Variants in RTN4 observed in about 807,000 individuals in gnomAD.
RTN4 encodes reticulon-4.
RTN4 carries 32 observed loss-of-function variants against 90.4 expected under a neutral mutation model. That is an observed-to-expected ratio of 0.35 (90% CI 0.27 to 0.48). The LOEUF (loss-of-function observed/expected upper bound fraction) is 0.48. RTN4 is among the 20% of genes least tolerant of loss of function. The pLI is 0.99. For missense variants in RTN4, 1,706 were observed against 1,430.2 expected, an observed-to-expected ratio of 1.19 and a Z score of -3.11; for synonymous variants, 629 against 552.5, an observed-to-expected ratio of 1.14 and a Z score of -1.94.
intron 1 of RTN4, among the ~76,000 whole-genome samples, chr2:55,048,764 A>G (rs1235176653): frequency 6.6e-6 from 1 of 152,170 alleles, no homozygotes; most frequent in African/African-American, 2.4e-5. Flanking sequence ...GTCTCAAAAC[A>G]TTTCTCTGTG....
intron 3 of RTN4, among the ~76,000 whole-genome samples, chr2:54,989,293 A>G (rs938921943): frequency 6.6e-6 from 1 of 152,198 alleles, no homozygotes; most frequent in African/African-American, 2.4e-5. Flanking sequence ...CTTGAATGCT[A>G]TTAATTTAAC....
rs111236825 is a variant in RTN4 at position 55,003,991 on chromosome 2, A to C, written c.3014-16293T>G. 8.3e-3 allele frequency among the ~76,000 whole-genome samples: 1,259 copies of C among 152,314 alleles called. 17 individuals carry two copies. The highest frequency in any genetic ancestry group is 0.028 in the African/African-American group (1,164 of 41,572). On this transcript the variant is annotated intron_variant, in intron 3 of 8. Coordinates refer to ENST00000337526, the MANE Select transcript of RTN4 (RefSeq NM_020532.5). ...ACATAAAAAGGGAACTTAGGGGACA[A>C]CCGGAGAACAAATTTAAGAATTCTA...
At chr2:55,073,094 A>C (rs183943323) in intron 2 of RTN4, among the ~76,000 whole-genome samples, 141 of 152,326 alleles carry the variant, frequency 9.3e-4, no homozygotes, top group African/African-American at 3.4e-3. Flanking sequence ...CATATTTTTA[A>C]ATAAATTAAA....
chr2:55,038,596 G>C (rs1682852129), intron 1 of RTN4, among the ~76,000 whole-genome samples: 1 of 152,252 alleles, frequency 6.6e-6, no homozygotes, highest in African/African-American at 2.4e-5. Context: ...CACTAAAATG[G>C]TTAGAATTTA....
At chr2:54,992,009 G>C (rs1679048988) in intron 3 of RTN4, among the ~76,000 whole-genome samples, 1 of 152,116 alleles carries the variant, frequency 6.6e-6, no homozygotes, top group East Asian at 1.9e-4. Context: ...CACTGCAGTA[G>C]CCTATACAAC....
intron 5 of RTN4, among the ~76,000 whole-genome samples, chr2:54,981,421 T>G: frequency 6.6e-6 from 1 of 152,160 alleles, no homozygotes; most frequent in East Asian, 1.9e-4. Flanking sequence ...ACTAGAACAT[T>G]TCTCTTGGAA....
intron 1 of RTN4, among the ~76,000 whole-genome samples, chr2:55,038,126 G>C (rs1395639606): frequency 6.6e-6 from 1 of 152,020 alleles, no homozygotes; most frequent in Non-Finnish European, 1.5e-5. Flanking sequence ...TCATACCATA[G>C]ACAAAAACTA....
chr2:55,085,596 T>A (rs1272285457), intron 1 of RTN4, among the ~76,000 whole-genome samples: 3 of 152,202 alleles, frequency 2.0e-5, no homozygotes, highest in Non-Finnish European at 4.4e-5. Flanking sequence ...AATCTCATCT[T>A]AAAAGTACCT....
intron 1 of RTN4, among the ~76,000 whole-genome samples, chr2:55,044,606 T>C (rs1315568886): frequency 2.0e-5 from 3 of 151,906 alleles, no homozygotes; most frequent in Admixed American, 2.0e-4. Flanking sequence ...TAATGGACAA[T>C]AGGTAACATG....
At chr2:55,126,755 G>A in the RTN4 span, among the ~76,000 whole-genome samples, 2 of 152,276 alleles carry the variant, frequency 1.3e-5, no homozygotes, top group South Asian at 4.1e-4. Context: ...GTTCACAATA[G>A]CAAAGACATG....
intron 1 of RTN4, among the ~76,000 whole-genome samples, chr2:55,046,401 T>C (rs1224631964): frequency 6.6e-6 from 1 of 152,234 alleles, no homozygotes; most frequent in Admixed American, 6.5e-5. Context: ...AGTCTTACAC[T>C]AGATTCTCAG....
intron 1 of RTN4, among the ~76,000 whole-genome samples, chr2:55,033,544 C>T (rs1380318179): frequency 6.6e-6 from 1 of 152,130 alleles, no homozygotes; most frequent in African/African-American, 2.4e-5. Flanking sequence ...TCAGCTCTGC[C>T]ACTGACTTCC....
upstream of RTN4, chr2:55,050,771 T>C (rs1407637795): frequency 6.6e-6 from 1 of 152,134 alleles, no homozygotes; most frequent in Non-Finnish European, 1.5e-5. This position sits in a 1 kb window ranked among gnomAD's most constrained non-coding sequence, Gnocchi z 4.6. Context: ...CCACCCCCAC[T>C]TTGGGTAACC....
At chr2:55,012,242 G>A (rs115067757) in intron 3 of RTN4, among the ~76,000 whole-genome samples, 208 of 152,172 alleles carry the variant, frequency 1.4e-3, no homozygotes, top group African/African-American at 4.8e-3. Flanking sequence ...GTCTGAGAGG[G>A]GCAAGAATGT....
Position 55,028,205 on chromosome 2 carries a change from G to A in RTN4, c.572C>T (p.Ala191Val). 3 of 1,612,346 alleles carry A rather than the reference G, an allele frequency of 1.9e-6. No individual in the cohort carries two copies. The highest frequency in any genetic ancestry group is 2.5e-6 in the Non-Finnish European group (3 of 1,179,180). ...SSGSVDETLF[A>V]LPAASEPVIR... ...CACAGGCTCAGATGCAGCAGGAAGA[G>A]CAAAAAGGGTCTCATCTGAAAAACA... Residue 191 changes from alanine (A) to valine (V), a missense_variant, in exon 2 of 9, where the codon GCT becomes GTT. By Grantham distance (64) the Ala-to-Val change is moderately conservative. Coordinates refer to ENST00000337526, the MANE Select transcript of RTN4 (RefSeq NM_020532.5).
intron 3 of RTN4, among the ~76,000 whole-genome samples, chr2:54,991,969 C>T (rs552824651): frequency 6.6e-6 from 1 of 152,162 alleles, no homozygotes; most frequent in Non-Finnish European, 1.5e-5. Context: ...GATCTACATT[C>T]TCCAATCTCC....
upstream of RTN4, among the ~76,000 whole-genome samples, chr2:55,115,514 A>G (rs1668107791): frequency 6.6e-6 from 1 of 152,212 alleles, no homozygotes; most frequent in African/African-American, 2.4e-5. Context: ...GATTTTGCCC[A>G]CCACACTGTA....
At chr2:55,074,425 C>A (rs1370837428) in intron 2 of RTN4, among the ~76,000 whole-genome samples, 1 of 151,578 alleles carries the variant, frequency 6.6e-6, no homozygotes, top group Non-Finnish European at 1.5e-5. Context: ...ACTGCTTGAG[C>A]CCTGGAGGTT....
At chr2:55,122,635 A>C in the RTN4 span, among the ~76,000 whole-genome samples, 2 of 152,238 alleles carry the variant, frequency 1.3e-5, no homozygotes, top group Non-Finnish European at 2.9e-5. Flanking sequence ...CTATGGGCAC[A>C]AGCAGGCAGT....
Sources: allele counts gnomAD v4.1 joint callset (sites outside exome capture counted in the v4.1 genomes callset), GRCh38; gene constraint gnomAD v4.1.1; non-coding constraint Gnocchi (gnomAD v3.1); transcripts MANE v1.5; gene names NCBI Gene and HGNC (gene_info 2026-07-23, HGNC 2026-07-21).